Variants in CADM2 observed in about 807,000 individuals in gnomAD.
The protein encoded by CADM2 is immunoglobulin superfamily member 4D.
Under a neutral mutation model 49.8 loss-of-function variants are expected in CADM2, and 12 were observed. The ratio of observed to expected loss-of-function variants is 0.24; its 90% CI spans 0.15 to 0.39. The LOEUF (loss-of-function observed/expected upper bound fraction) is 0.39. Among genes scored for constraint, CADM2 ranks in the 10% least tolerant of loss-of-function variants. CADM2 has a pLI of 1.00. For synonymous variants in CADM2, 214 were observed against 175.4 expected, an observed-to-expected ratio of 1.22 and a Z score of -1.74; for missense variants, 378 against 492.3, an observed-to-expected ratio of 0.77 and a Z score of 2.20.
intron 1 of CADM2, among the ~76,000 whole-genome samples, chr3:85,107,631 T>TTTTCTTTCTTTCTTTCTTTCTTTCTTTC (rs371715710): frequency 8.6e-4 from 119 of 137,944 alleles, no homozygotes; most frequent in African/African-American, 2.9e-3. Flanking sequence ...CTTTCTTTCT[T>TTTTCTTTCTTTCTTTCTTTCTTTCTTTC]TTTCTTTCTT....
At chr3:85,747,799 A>G (rs908402471) in intron 2 of CADM2, among the ~76,000 whole-genome samples, 4 of 152,162 alleles carry the variant, frequency 2.6e-5, no homozygotes, top group African/African-American at 9.6e-5. Context: ...CAAAACTGCT[A>G]GCATAATCAG....
At chr3:85,301,666 G>A (rs1208349854) in intron 1 of CADM2, among the ~76,000 whole-genome samples, 2 of 151,974 alleles carry the variant, frequency 1.3e-5, no homozygotes, top group African/African-American at 2.4e-5. Context: ...TTGTTCTGCT[G>A]TATACGAATG....
At chr3:85,214,395 A>G (rs902555283) in intron 1 of CADM2, among the ~76,000 whole-genome samples, 1 of 151,994 alleles carries the variant, frequency 6.6e-6, no homozygotes, top group Non-Finnish European at 1.5e-5. Flanking sequence ...TTGAACCAGA[A>G]CAGCACTGGG....
rs567473872 is a variant in CADM2, at chr3:85,011,721, A to AT, written c.61+52065dup. On this transcript the variant is annotated intron_variant, in intron 1 of 9. Coordinates refer to ENST00000383699, the MANE Select transcript of CADM2 (RefSeq NM_001167675.2). ...AACACAGGGAGACCCCACCTCTACA[A>AT]TTTTTTTTTTTTAAGTTAGCCAGGC... Among the ~76,000 whole-genome samples the AT allele has an allele frequency of 6.0e-4, 88 of 146,628 alleles. 1 individual carries two copies. Among genetic ancestry groups the AT allele is most frequent in the Middle Eastern group, 3.5e-3 (1 of 282 alleles).
intron 1 of CADM2, among the ~76,000 whole-genome samples, chr3:85,616,105 G>A (rs547768606): frequency 1.6e-4 from 24 of 151,608 alleles, no homozygotes; most frequent in Non-Finnish European, 2.4e-4. Context: ...TGTGATTGTC[G>A]GGCATTTATT....
intron 3 of CADM2, among the ~76,000 whole-genome samples, chr3:85,816,948 A>C (rs1312475761): frequency 6.6e-6 from 1 of 151,364 alleles, no homozygotes; most frequent in Non-Finnish European, 1.5e-5. Context: ...CATACAAAAT[A>C]ATACAATTTA....
chr3:85,270,720 G>A (rs776010080), intron 1 of CADM2, among the ~76,000 whole-genome samples: 3 of 151,056 alleles, frequency 2.0e-5, no homozygotes, highest in African/African-American at 4.8e-5. Context: ...GTTTGTCCAA[G>A]GGCATAAAAA....
At chr3:85,940,915 T>G (rs1721810018) in intron 7 of CADM2, among the ~76,000 whole-genome samples, 1 of 150,846 alleles carries the variant, frequency 6.6e-6, no homozygotes, top group South Asian at 2.1e-4. Flanking sequence ...CAAAGATTTC[T>G]CCTATACCCC....
At chr3:85,893,332 T>C (rs1714731035) in intron 5 of CADM2, among the ~76,000 whole-genome samples, 1 of 152,126 alleles carries the variant, frequency 6.6e-6, no homozygotes, top group South Asian at 2.1e-4. Context: ...CTACACCTTA[T>C]ACAAAAATTA....
chr3:85,626,158 ATTC>A (rs751502632), intron 1 of CADM2, among the ~76,000 whole-genome samples: 153 of 152,092 alleles, frequency 1.0e-3, no homozygotes, highest in Non-Finnish European at 1.9e-3. Context: ...TATACACTGT[ATTC>A]TTTGGAGATT....
intron 1 of CADM2, among the ~76,000 whole-genome samples, chr3:85,655,440 C>A (rs1293076489): frequency 6.6e-6 from 1 of 151,758 alleles, no homozygotes; most frequent in Non-Finnish European, 1.5e-5. Context: ...ATTACAGGCA[C>A]GAGCCACCAT....
chr3:85,792,187 A>C (rs1399028839), intron 2 of CADM2, among the ~76,000 whole-genome samples: 1 of 152,190 alleles, frequency 6.6e-6, no homozygotes, highest in Non-Finnish European at 1.5e-5. Flanking sequence ...AACAACCAAA[A>C]CATGATGTAT....
In CADM2 at chr3:85,871,715, A is replaced by T. The variant is rs1467811335; in HGVS notation, c.239-11576A>T. ...ACATTACTCTATCGTTGTCATCATCATCATCATCATCATGTGATTTTTCCT... is the reference window on the plus strand; with the variant it reads ...ACATTACTCTATCGTTGTCATCATCTTCATCATCATCATGTGATTTTTCCT... On this transcript the variant is annotated intron_variant, in intron 3 of 9. Coordinates refer to ENST00000383699, the MANE Select transcript of CADM2 (RefSeq NM_001167675.2). Among the ~76,000 whole-genome samples, 6 of 152,146 alleles carry T rather than the reference A, an allele frequency of 3.9e-5. No individual in the cohort carries two copies. The East Asian group carries it at 1.2e-3, about 29-fold the overall frequency.
chr3:85,628,830 A>G (rs912798703), intron 1 of CADM2, among the ~76,000 whole-genome samples: 1 of 151,080 alleles, frequency 6.6e-6, no homozygotes, highest in Non-Finnish European at 1.5e-5. Context: ...TCTTTAAAAT[A>G]TATCTCCAAT....
At chr3:85,362,874 T>A (rs1330360135) in intron 1 of CADM2, among the ~76,000 whole-genome samples, 1 of 152,138 alleles carries the variant, frequency 6.6e-6, no homozygotes, top group African/African-American at 2.4e-5. Context: ...TAAAAGGAAA[T>A]ATATAGTTAA....
chr3:85,502,129 G>A (rs973777615), intron 1 of CADM2, among the ~76,000 whole-genome samples: 8 of 152,114 alleles, frequency 5.3e-5, no homozygotes, highest in Non-Finnish European at 7.4e-5. Context: ...AAGGATACAC[G>A]GAGTAAGTAA....
chr3:85,432,479 G>A (rs542386961), intron 1 of CADM2, among the ~76,000 whole-genome samples: 18 of 152,176 alleles, frequency 1.2e-4, no homozygotes, highest in African/African-American at 3.1e-4. Flanking sequence ...TCGTGAGAAG[G>A]GTTTGAATGG....
chr3:85,747,415 T>C (rs2068660329), intron 2 of CADM2, among the ~76,000 whole-genome samples: 1 of 152,170 alleles, frequency 6.6e-6, no homozygotes, highest in Non-Finnish European at 1.5e-5. Flanking sequence ...TATGTTTGTA[T>C]ATTAATATAA....
chr3:85,057,895 G>C (rs953692007), intron 1 of CADM2, among the ~76,000 whole-genome samples: 1 of 152,074 alleles, frequency 6.6e-6, no homozygotes, highest in Non-Finnish European at 1.5e-5. Flanking sequence ...TTGTTTTTCA[G>C]TACACTTGCA....
Sources: allele counts gnomAD v4.1 joint callset (sites outside exome capture counted in the v4.1 genomes callset), GRCh38; gene constraint gnomAD v4.1.1; transcripts MANE v1.5; gene names NCBI Gene and HGNC (gene_info 2026-07-23, HGNC 2026-07-21).